TSPAN4: variants seen among roughly 807,000 people sequenced by gnomAD.
TSPAN4 encodes the protein tetraspanin 4, also known as tetraspanin-4.
A neutral mutation model predicts 31.5 loss-of-function variants in TSPAN4; 38 were observed. The observed-to-expected ratio is 1.21, with a 90% CI of 0.93 to 1.58. The LOEUF (loss-of-function observed/expected upper bound fraction) is 1.58. Among genes scored for constraint, TSPAN4 ranks in the 40% most tolerant of loss-of-function variants. The pLI is 0.00. For missense variants in TSPAN4, 330 were observed against 317.3 expected (o/e 1.04, Z -0.30); for synonymous variants, 186 against 144.6 (o/e 1.29, Z -2.06).
At chr11:858,382 G>T (rs1848180611) in intron 3 of TSPAN4, 2 of 152,794 alleles carry the variant, frequency 1.3e-5, no homozygotes, top group Non-Finnish European at 2.9e-5. Flanking sequence ...CCCAAGCCCA[G>T]TGCTCCCAGT....
At chr11:862,843 C>T (rs2134058702) in intron 4 of TSPAN4, 102 bp downstream of exon 4, 2 of 1,268,350 alleles carry the variant, frequency 1.6e-6, no homozygotes, top group Non-Finnish European at 2.1e-6. Context: ...CAGACGTGGG[C>T]ACCACCTCTG....
At chr11:864,305 G>A (rs1268426645) in intron 4 of TSPAN4, 132 bp from the exon 5 acceptor site, 2 of 1,116,038 alleles carry the variant, frequency 1.8e-6, no homozygotes, top group Non-Finnish European at 2.6e-6. Flanking sequence ...GGCTCTCTGG[G>A]AGTGGGGGCC....
At chr11:864,374 C>T (rs750332026) in intron 4 of TSPAN4, 63 bp from the exon 5 acceptor site, 335 of 1,584,644 alleles carry the variant, frequency 2.1e-4, no homozygotes, top group Non-Finnish European at 2.7e-4. Flanking sequence ...TGGCCCCTGG[C>T]ATGCTGTGGG....
chr11:862,916 C>T (rs2134058987), intron 4 of TSPAN4, 175 bp downstream of exon 4: 1 of 654,336 alleles, frequency 1.5e-6, no homozygotes, highest in Admixed American at 3.1e-5. Flanking sequence ...TCTTCCAGGC[C>T]ACACTGGGGC....
At chr11:861,694 A>G (rs1467870977) in intron 3 of TSPAN4, among the ~76,000 whole-genome samples, 2 of 151,978 alleles carry the variant, frequency 1.3e-5, no homozygotes, top group Non-Finnish European at 2.9e-5. Context: ...CCTGGGTGAC[A>G]GTGCGAGACT....
intron 5 of TSPAN4, chr11:864,869 C>T (rs1848678875): frequency 9.1e-6 from 3 of 330,240 alleles, no homozygotes; most frequent in East Asian, 5.6e-5. Flanking sequence ...GTCACTCACT[C>T]ATATATTCAG....
At chr11:849,492 G>A (rs1349449171) in intron 2 of TSPAN4, among the ~76,000 whole-genome samples, 1 of 152,154 alleles carries the variant, frequency 6.6e-6, no homozygotes, top group Non-Finnish European at 1.5e-5. Flanking sequence ...GCCAGAGTCC[G>A]GGCGAGGTAC....
At position 865,548 on chromosome 11, in the gene TSPAN4, C is replaced by A; in HGVS notation, c.366C>A (p.Gly122=). ...DRYAQQDLKK[G]LHLYGTQGNV... ...ATGCCCAGCAAGACCTGAAGAAAGG[C>A]TTGCACCTGTACGGCACGCAGGGCA... The change falls in exon 6 of 9, where the codon GGC becomes GGA. Residue 122 remains glycine, a synonymous_variant. Transcript: ENST00000397397. 1 of 1,612,454 alleles carries A rather than the reference C, an allele frequency of 6.2e-7. No individual in the cohort carries two copies. The highest frequency in any genetic ancestry group is 2.2e-5 in the East Asian group (1 of 44,864).
chr11:864,679 C>T, intron 5 of TSPAN4, 168 bp downstream of exon 5: 3 of 789,460 alleles, frequency 3.8e-6, no homozygotes, highest in Non-Finnish European at 2.0e-6. Context: ...CGCCAGCGAC[C>T]CTGGGAGGCT....
intron 5 of TSPAN4, 33 bp from the exon 6 acceptor site, chr11:865,480 G>A (rs1169717516): frequency 6.4e-7 from 1 of 1,566,992 alleles, no homozygotes; most frequent in Admixed American, 1.7e-5. Flanking sequence ...GGTACAGTGG[G>A]AGGGGCCCTG....
intron 3 of TSPAN4, among the ~76,000 whole-genome samples, chr11:861,987 C>G (rs1207089798): frequency 6.6e-6 from 1 of 152,182 alleles, no homozygotes; most frequent in African/African-American, 2.4e-5. Context: ...AGCGTTTCTC[C>G]TGCCACGAGT....
intron 1 of TSPAN4, among the ~76,000 whole-genome samples, chr11:845,780 G>A (rs1590220459): frequency 6.6e-6 from 1 of 152,072 alleles, no homozygotes; most frequent in South Asian, 2.1e-4. Context: ...GTGGTCCCAG[G>A]AGGAAAGACT....
chr11:866,619 T>C lies in TSPAN4; in HGVS notation c.706T>C (p.Tyr236His), dbSNP rs1848866557. ...CTGCCAAGTGGTCAAGGCAGACACCTACTGCGCGTAGGCCGCCCACCGCCC... is the reference window on the plus strand; with the variant it reads ...CTGCCAAGTGGTCAAGGCAGACACCCACTGCGCGTAGGCCGCCCACCGCCC... The part of the protein sequence containing the change: ...MYCQVVKADT[Y>H]CA The change falls in exon 9 of 9, where the codon TAC becomes CAC. Residue 236 changes from tyrosine to histidine, a missense_variant. Transcript: ENST00000397397. The C allele has an allele frequency of 6.2e-7, 1 of 1,612,764 alleles. No individual in the cohort carries two copies. Among genetic ancestry groups the C allele is most frequent in the African/African-American group, 1.3e-5 (1 of 74,910 alleles).
At chr11:855,976 C>T (rs1377403951) in intron 3 of TSPAN4, among the ~76,000 whole-genome samples, 1 of 152,192 alleles carries the variant, frequency 6.6e-6, no homozygotes, top group Non-Finnish European at 1.5e-5. Flanking sequence ...GCCAGCGTGG[C>T]CCCCGTGGGC....
At chr11:852,793 T>G (rs773909811) in intron 3 of TSPAN4, among the ~76,000 whole-genome samples, 7 of 152,102 alleles carry the variant, frequency 4.6e-5, no homozygotes, top group Admixed American at 3.9e-4. Context: ...CAACCTGGCC[T>G]CCTCCTCCTC....
chr11:862,462 T>C, intron 3 of TSPAN4, 88 bp from the exon 4 acceptor site: 1 of 1,281,888 alleles, frequency 7.8e-7, no homozygotes, highest in Non-Finnish European at 1.1e-6. Context: ...GGCATGGCTT[T>C]GGGCTTGTGG....
At chr11:859,996 T>C (rs1848364020) in intron 3 of TSPAN4, among the ~76,000 whole-genome samples, 1 of 152,174 alleles carries the variant, frequency 6.6e-6, no homozygotes, top group Non-Finnish European at 1.5e-5. Flanking sequence ...CTGTGCGCTG[T>C]GCCTGGCCTG....
At position 852,494 on chromosome 11, in the gene TSPAN4, C is replaced by G. The variant is rs562711420; in HGVS notation, c.63+2127C>G. On this transcript the variant is annotated intron_variant, in intron 3 of 8. Transcript: ENST00000397397. ...GCTTCATACACCAGCCTTGGCCCCCCCCAACCCTGGGCTGGTGCCCAGTGG... is the reference window on the plus strand; with the variant it reads ...GCTTCATACACCAGCCTTGGCCCCCGCCAACCCTGGGCTGGTGCCCAGTGG... Among the ~76,000 whole-genome samples, 10 of 152,348 alleles carry G rather than the reference C, an allele frequency of 6.6e-5. No homozygotes were observed. In the South Asian group the frequency reaches 1.4e-3, roughly 22 times the overall value.
At chr11:850,558 C>A (rs935630031) in intron 3 of TSPAN4, among the ~76,000 whole-genome samples, 191 bp downstream of exon 3, 1 of 152,234 alleles carries the variant, frequency 6.6e-6, no homozygotes, top group Admixed American at 6.5e-5. Context: ...AAGGTTTGCA[C>A]CATCGCGGGG....
Sources: allele counts gnomAD v4.1 joint callset (sites outside exome capture counted in the v4.1 genomes callset), GRCh38; gene constraint gnomAD v4.1.1; transcripts MANE v1.5; gene names NCBI Gene and HGNC (gene_info 2026-07-23, HGNC 2026-07-21).